Variants in PGPEP1L observed in about 807,000 individuals in gnomAD.
PGPEP1L encodes pyroglutamyl-peptidase 1-like protein.
PGPEP1L carries 7 observed loss-of-function variants against 6.0 expected under a neutral mutation model. The observed-to-expected ratio is 1.17, with a 90% CI of 0.66 to 2.19. The LOEUF (loss-of-function observed/expected upper bound fraction) is 2.19. Among genes scored for constraint, PGPEP1L ranks in the 30% most tolerant of loss-of-function variants. The pLI, the probability that PGPEP1L is intolerant of heterozygous loss-of-function variation, is 0.00. For missense variants in PGPEP1L, 209 were observed against 192.5 expected (o/e 1.09, Z -0.51); for synonymous variants, 103 against 83.9 (o/e 1.23, Z -1.24).
chr15:98,997,564 C>A lies in PGPEP1L; in HGVS notation c.-142+7865G>T, dbSNP rs530300783. On this transcript the variant is annotated intron_variant, in intron 2 of 4. Coordinates refer to ENST00000535714, the MANE Select transcript of PGPEP1L (RefSeq NM_001167902.2). ...TCCTCAAGGCCTGTCTGAGGTTGTG[C>A]TTTCTCCTAGTTGGCTTTCTTACAA... is the stretch of plus-strand genomic sequence containing the variant. Among the ~76,000 whole-genome samples the A allele has an allele frequency of 8.5e-5, 13 of 152,290 alleles. No individual in the cohort carries two copies. In the South Asian group the frequency reaches 2.7e-3, roughly 32 times the overall value.
chr15:98,983,583 G>A (rs936296458), intron 2 of PGPEP1L, among the ~76,000 whole-genome samples: 1 of 152,192 alleles, frequency 6.6e-6, no homozygotes, highest in African/African-American at 2.4e-5. Context: ...GAATGAATAT[G>A]AGGTGGTAGT....
chr15:98,971,177 G>A lies in PGPEP1L; in HGVS notation c.-141-19C>T, dbSNP rs1302895436. On this transcript the variant is annotated intron_variant, in intron 2 of 4. Coordinates refer to ENST00000535714, the MANE Select transcript of PGPEP1L (RefSeq NM_001167902.2). The stretch of plus-strand genomic sequence containing the variant: ...AGAGCTCCTGAGGAAAGCGGCAGGT[G>A]GACTTGCCTCAGTTGATGGGGGGGG... The A allele has an allele frequency of 2.3e-6, 3 of 1,333,090 alleles. No individual in the cohort carries two copies. Among genetic ancestry groups the A allele is most frequent in the African/African-American group, 3.2e-5 (2 of 61,928 alleles). 82.6% of individuals were successfully genotyped at this position (1,333,090 alleles called of 1,614,324 possible). A position where few individuals can be genotyped will look rare whatever the true frequency, so the allele number is the denominator to read the frequency against.
chr15:98,975,589 T>C (rs2017556505), intron 2 of PGPEP1L, among the ~76,000 whole-genome samples: 1 of 152,116 alleles, frequency 6.6e-6, no homozygotes, highest in African/African-American at 2.4e-5. Context: ...CCCATAAATA[T>C]GTACGATTGG....
At chr15:99,001,806 C>T (rs2017975684) in intron 2 of PGPEP1L, among the ~76,000 whole-genome samples, 1 of 152,202 alleles carries the variant, frequency 6.6e-6, no homozygotes, top group Non-Finnish European at 1.5e-5. Context: ...CAACCTCCGC[C>T]TCCTGGGTTC....
At chr15:98,984,115 A>G (rs1416320745) in intron 2 of PGPEP1L, among the ~76,000 whole-genome samples, 1 of 144,484 alleles carries the variant, frequency 6.9e-6, no homozygotes, top group Non-Finnish European at 1.5e-5. Context: ...GGTTCACACC[A>G]TTCTCCTGCC....
intron 2 of PGPEP1L, among the ~76,000 whole-genome samples, chr15:98,975,823 G>A (rs1345592851): frequency 6.6e-6 from 1 of 152,172 alleles, no homozygotes; most frequent in Non-Finnish European, 1.5e-5. Context: ...GGAGGTTGCA[G>A]TGAGACAAGA....
rs899101978 is a variant in PGPEP1L at position 99,001,738 on chromosome 15, G to A, written c.-142+3691C>T. Among the ~76,000 whole-genome samples the A allele has an allele frequency of 3.3e-5, 5 of 152,052 alleles. No homozygotes were observed. In the South Asian group the frequency reaches 1.0e-3, roughly 32 times the overall value. On this transcript the variant is annotated intron_variant, in intron 2 of 4. Transcript: ENST00000535714. ...TTATTTTTGCTTGTTTGCTTTTTGA[G>A]ACAGAGTCTCACCCTGTCACGTAGG...
intron 2 of PGPEP1L, among the ~76,000 whole-genome samples, chr15:98,982,991 G>A (rs1030299358): frequency 1.3e-5 from 2 of 151,894 alleles, no homozygotes; most frequent in Non-Finnish European, 2.9e-5. Flanking sequence ...GATTATAGGC[G>A]TGAGCCACCG....
intron 2 of PGPEP1L, among the ~76,000 whole-genome samples, chr15:98,985,005 T>TGG (rs2017726183): frequency 6.6e-6 from 1 of 152,140 alleles, no homozygotes. Flanking sequence ...CTGCTGTTAC[T>TGG]GGGGCTTCTG....
Position 98,969,569 on chromosome 15 carries a change from G to A in PGPEP1L, c.65C>T (p.Ala22Val). ...CTCGGGCCAGAAGCTGCGGATGTCGGCGTCCCGGTAGCCTTGGTTCTTGCC... is the reference window on the plus strand; with the variant it reads ...CTCGGGCCAGAAGCTGCGGATGTCGACGTCCCGGTAGCCTTGGTTCTTGCC... ...QSGKNQGYRDADIRSFWPEGG... is the reference protein window; with the variant it reads ...QSGKNQGYRDVDIRSFWPEGG... Residue 22 changes from alanine to valine, a missense_variant, in exon 4 of 5, where the codon GCC (alanine) becomes GTC (valine). Physicochemically the swap from Ala to Val is moderately conservative, Grantham distance 64 (BLOSUM62 0). Coordinates refer to ENST00000535714, the MANE Select transcript of PGPEP1L (RefSeq NM_001167902.2). 1 of 1,613,932 alleles carries A rather than the reference G, an allele frequency of 6.2e-7. No individual in the cohort carries two copies.
intron 2 of PGPEP1L, among the ~76,000 whole-genome samples, chr15:98,984,644 G>C (rs1429438400): frequency 6.6e-6 from 1 of 151,898 alleles, no homozygotes; most frequent in Non-Finnish European, 1.5e-5. Flanking sequence ...GACACTTTTG[G>C]CTGTATACTG....
intron 2 of PGPEP1L, among the ~76,000 whole-genome samples, chr15:98,994,955 G>A (rs2017867725): frequency 6.6e-6 from 1 of 152,148 alleles, no homozygotes; most frequent in Non-Finnish European, 1.5e-5. Flanking sequence ...TCCAAGTAAT[G>A]TCTTTCTCTC....
chr15:98,981,695 T>C (rs929307201), intron 2 of PGPEP1L, among the ~76,000 whole-genome samples: 1 of 152,176 alleles, frequency 6.6e-6, no homozygotes, highest in African/African-American at 2.4e-5. Context: ...AGGTAATATA[T>C]TCCTACTGGT....
In PGPEP1L at chr15:99,005,489, G is replaced by C. The variant is rs1403287963; in HGVS notation, c.-202C>G. 2 of 152,496 alleles carry C rather than the reference G, an allele frequency of 1.3e-5. No individual in the cohort carries two copies. Among genetic ancestry groups the C allele is most frequent in the East Asian group, 1.9e-4 (1 of 5,198 alleles). The allele number at this position is 152,496 out of a possible 1,614,324, so 9.4% of individuals were successfully genotyped here. On this transcript the variant is annotated 5_prime_UTR_variant, in exon 2 of 5. Transcript: ENST00000535714. The stretch of plus-strand genomic sequence containing the variant: ...AAGACGAAGTGGGAGCTCGCGCTGC[G>C]CCTCCCTGGCTCAGGCAGCGGCCCA...
intron 2 of PGPEP1L, among the ~76,000 whole-genome samples, chr15:99,004,248 AAAAT>A (rs1225450131): frequency 1.3e-5 from 2 of 151,992 alleles, no homozygotes; most frequent in East Asian, 1.9e-4. Context: ...ACTAAAAACT[AAAAT>A]AAAATAAATT....
In PGPEP1L at chr15:98,993,932, C is replaced by G. The variant is rs113384402; in HGVS notation, c.-142+11497G>C. On this transcript the variant is annotated intron_variant, in intron 2 of 4. Coordinates refer to ENST00000535714, the MANE Select transcript of PGPEP1L (RefSeq NM_001167902.2). ...ATATATAATTTAACAAAGTCTAAAG[C>G]TGATATCTGGATGCCTGTCCTGTAG... Among the ~76,000 whole-genome samples the G allele has an allele frequency of 2.9e-3, 437 of 152,186 alleles. 3 individuals are homozygous for G. The highest frequency in any genetic ancestry group is 9.3e-3 in the African/African-American group (386 of 41,514).
chr15:98,992,575 T>C (rs552835050), intron 2 of PGPEP1L, among the ~76,000 whole-genome samples: 35 of 152,332 alleles, frequency 2.3e-4, no homozygotes, highest in African/African-American at 7.5e-4. Context: ...ATTGACTTTC[T>C]TCACAGAACT....
At chr15:98,981,477 A>G (rs1484777030) in intron 2 of PGPEP1L, among the ~76,000 whole-genome samples, 21 of 148,688 alleles carry the variant, frequency 1.4e-4, no homozygotes, top group South Asian at 4.3e-4. Flanking sequence ...GCAACAGAGC[A>G]AGACTCCGTC....
At chr15:98,987,301 C>T (rs543252692) in intron 2 of PGPEP1L, among the ~76,000 whole-genome samples, 9 of 151,524 alleles carry the variant, frequency 5.9e-5, no homozygotes, top group African/African-American at 2.2e-4. Context: ...TAGAGTCTGG[C>T]TCTCACTACA....
Sources: gnomAD v4.1 joint callset for allele counts (sites outside exome capture counted in the v4.1 genomes callset) on GRCh38, gnomAD v4.1.1 for gene constraint, MANE v1.5 for transcripts, NCBI Gene and HGNC (gene_info 2026-07-23, HGNC 2026-07-21) for gene names.